GRM4: variants seen among roughly 807,000 people sequenced by gnomAD.
GRM4 encodes glutamate metabotropic receptor 4.
Under a neutral mutation model 81.7 loss-of-function variants are expected in GRM4, and 28 were observed. The observed-to-expected ratio is 0.34, with a 90% CI of 0.25 to 0.47. The LOEUF is 0.47. Ranked by LOEUF, GRM4 falls within the 20% of genes least tolerant of loss-of-function variation. GRM4 has a pLI of 1.00. For missense variants in GRM4, 948 were observed against 1,290.0 expected (o/e 0.73, Z 4.06); for synonymous variants, 488 against 528.8 (o/e 0.92, Z 1.06).
intron 3 of GRM4, among the ~76,000 whole-genome samples, chr6:34,072,674 A>ACACACATCACCATACAGATACACAC: frequency 4.0e-3 from 5 of 1,242 alleles, no homozygotes; most frequent in South Asian, 0.026. Flanking sequence ...TACACACCAC[A>ACACACATCACCATACAGATACACAC]CACACACACA....
At chr6:34,087,834 A>ACACACACACACACACACACACACACACC in intron 3 of GRM4, among the ~76,000 whole-genome samples, 1 of 150,986 alleles carries the variant, frequency 6.6e-6, no homozygotes. Context: ...ACACACACAC[A>ACACACACACACACACACACACACACACC]CACACACGTC....
At chr6:34,134,753 C>T (rs933991769) in intron 1 of GRM4, among the ~76,000 whole-genome samples, 1 of 151,032 alleles carries the variant, frequency 6.6e-6, no homozygotes, top group African/African-American at 2.4e-5. Context: ...CCTCTGAGAG[C>T]GGGGCTCGGG....
chr6:34,080,855 C>T lies in GRM4; in HGVS notation c.736+11028G>A, dbSNP rs1467468169. 1.3e-4 allele frequency among the ~76,000 whole-genome samples: 15 copies of T among 116,494 alleles called. No individual in the cohort carries two copies. The highest frequency in any genetic ancestry group is 1.2e-3 in the Admixed American group (15 of 12,002). The allele number at this position is 116,494 out of a possible 152,430, so 76.4% of individuals were successfully genotyped here. On this transcript the variant is annotated intron_variant, in intron 3 of 10. Transcript: ENST00000538487. This position sits in a 1 kb window ranked among gnomAD's most constrained non-coding sequence, Gnocchi z 5.4. Reference sequence around the variant, plus strand: ...TCACACACACACACACATACACACACACATACACATACATATACACACACA... The same window carrying T: ...TCACACACACACACACATACACACATACATACACATACATATACACACACA...
intron 10 of GRM4, among the ~76,000 whole-genome samples, chr6:34,027,744 A>T (rs1764203682): frequency 6.6e-6 from 1 of 152,120 alleles, no homozygotes; most frequent in Non-Finnish European, 1.5e-5. Context: ...ACAGGCAGAG[A>T]CCCAGGCCCC....
At chr6:34,032,205 C>T (rs1376346487) in intron 9 of GRM4, among the ~76,000 whole-genome samples, 6 of 152,102 alleles carry the variant, frequency 3.9e-5, no homozygotes, top group African/African-American at 1.4e-4. Flanking sequence ...TCAACCCATC[C>T]CCGCTTAATC....
At chr6:34,025,319 C>G (rs922620797) in intron 10 of GRM4, among the ~76,000 whole-genome samples, 8 of 152,122 alleles carry the variant, frequency 5.3e-5, no homozygotes, top group African/African-American at 1.7e-4. Context: ...TCCGTCACCC[C>G]CTGGGGGAAC....
intron 2 of GRM4, among the ~76,000 whole-genome samples, chr6:34,101,852 T>C (rs1046564182): frequency 6.6e-6 from 1 of 152,246 alleles, no homozygotes; most frequent in African/African-American, 2.4e-5. Flanking sequence ...TCAAGCCTTT[T>C]GCATCTGAAC....
In GRM4 at chr6:34,092,769, CG is replaced by C. The variant is rs1210997415; in HGVS notation, c.520-671del. ...CAGCCTCTCCAAGGCAGAGCCGACC[CG>C]GGGCCCTGCCCCAGCCCCGGGGCTT... On this transcript the variant is annotated intron_variant, in intron 2 of 10. Transcript: ENST00000538487. The surrounding 1 kb of genome is among the most constrained non-coding windows in gnomAD (Gnocchi z 6.8). Among the ~76,000 whole-genome samples, 1 of 151,994 alleles carries C rather than the reference CG, an allele frequency of 6.6e-6. No individual in the cohort carries two copies. Among genetic ancestry groups the C allele is most frequent in the Non-Finnish European group, 1.5e-5 (1 of 67,954 alleles).
In GRM4 at chr6:34,040,223, G is replaced by A. The variant is rs760818778; in HGVS notation, c.1461C>T (p.Ala487=). The A allele has an allele frequency of 7.4e-6, 12 of 1,614,102 alleles. No homozygotes were observed. Among genetic ancestry groups the A allele is most frequent in the Non-Finnish European group, 9.3e-6 (11 of 1,179,922 alleles). ...TCCAGGAGCCAATGACCTTGTACTCGGCAGAATCGTTGCGCAGCTGGTATT... is the reference window on the plus strand; with the variant it reads ...TCCAGGAGCCAATGACCTTGTACTCAGCAGAATCGTTGCGCAGCTGGTATT... ...IYQYQLRNDS[A]EYKVIGSWTD... The change falls in exon 8 of 11, where the codon GCC becomes GCT. Residue 487 remains alanine (A), a synonymous_variant. Transcript: ENST00000538487.
rs1770187507 is a variant in GRM4 at position 34,130,350 on chromosome 6, T to TC, written c.519+2627dup. The stretch of plus-strand genomic sequence containing the variant: ...CTTCTCCACTCCCCAGGTCTCTACC[T>TC]CCCGGTCCTGCCTTGCTCTCTGTGC... On this transcript the variant is annotated intron_variant, in intron 2 of 10. Coordinates refer to ENST00000538487, the MANE Select transcript of GRM4 (RefSeq NM_000841.4). This position sits in a 1 kb window ranked among gnomAD's most constrained non-coding sequence, Gnocchi z 4.1. 6.6e-6 allele frequency among the ~76,000 whole-genome samples: 1 copy of TC among 152,030 alleles called. No homozygotes were observed. The highest frequency in any genetic ancestry group is 1.5e-5 in the Non-Finnish European group (1 of 67,978).
intron 3 of GRM4, among the ~76,000 whole-genome samples, chr6:34,073,284 C>CA: frequency 1.3e-4 from 2 of 14,904 alleles, no homozygotes; most frequent in Non-Finnish European, 3.4e-4. Flanking sequence ...CACACAGATA[C>CA]CACACACACA....
At chr6:34,106,948 A>G (rs573281877) in intron 2 of GRM4, among the ~76,000 whole-genome samples, 1 of 152,384 alleles carries the variant, frequency 6.6e-6, no homozygotes, top group South Asian at 2.1e-4. Context: ...GAGAATCTGG[A>G]AACTCCTGGC....
chr6:34,122,566 T>C (rs1769853170), intron 2 of GRM4, among the ~76,000 whole-genome samples: 2 of 140,928 alleles, frequency 1.4e-5, no homozygotes. Flanking sequence ...AATGCTAGTT[T>C]AGAAAGTCGG....
At chr6:34,033,479 C>T (rs1291553278) in intron 9 of GRM4, among the ~76,000 whole-genome samples, 1 of 152,132 alleles carries the variant, frequency 6.6e-6, no homozygotes, top group African/African-American at 2.4e-5. Context: ...GTCACTCCCC[C>T]TCTCTGTGCC....
intron 2 of GRM4, among the ~76,000 whole-genome samples, chr6:34,122,281 A>C (rs528121425): frequency 6.6e-6 from 1 of 152,078 alleles, no homozygotes; most frequent in Non-Finnish European, 1.5e-5. Flanking sequence ...GGTGGAGGAC[A>C]TGAGAGGGGA....
At chr6:34,122,514 G>A (rs1769851918) in intron 2 of GRM4, among the ~76,000 whole-genome samples, 1 of 151,722 alleles carries the variant, frequency 6.6e-6, no homozygotes, top group Admixed American at 6.6e-5. Flanking sequence ...ATATAAAGCA[G>A]AATTTGCTTT....
intron 2 of GRM4, among the ~76,000 whole-genome samples, chr6:34,131,115 G>A (rs537295304): frequency 6.6e-6 from 1 of 152,306 alleles, no homozygotes; most frequent in Non-Finnish European, 1.5e-5. Context: ...CTCTCCTTTT[G>A]TCTCCAGTCC....
At position 34,061,963 on chromosome 6, in the gene GRM4, T is replaced by C. The variant is rs569508691; in HGVS notation, c.802A>G (p.Ile268Val). Residue 268 changes from isoleucine (I) to valine (V), a missense_variant, in exon 4 of 11, where the codon ATC (isoleucine) becomes GTC (valine). Coordinates refer to ENST00000538487, the MANE Select transcript of GRM4 (RefSeq NM_000841.4). ...GAAGTCTCCAGGAGGCGGCGGATGA[T>C]CTTGTCGAACTCGCCTGCCTTGGGC... ...REPKAGEFDKIIRRLLETSNA... is the reference protein window; with the variant it reads ...REPKAGEFDKVIRRLLETSNA... 6.2e-7 allele frequency: 1 copy of C among 1,613,982 alleles called. No homozygotes were observed. The highest frequency in any genetic ancestry group is 2.2e-5 in the East Asian group (1 of 44,884).
rs373543483 is a variant in GRM4 at position 34,044,645 on chromosome 6, T to C, written c.1169-3897A>G. On this transcript the variant is annotated intron_variant, in intron 6 of 10. Coordinates refer to ENST00000538487, the MANE Select transcript of GRM4 (RefSeq NM_000841.4). ...ATATATACACGCAGACACACACACA[T>C]ATACATACATACACATATATACACA... Among the ~76,000 whole-genome samples the C allele has an allele frequency of 1.3e-4, 15 of 117,420 alleles. No homozygotes were observed. The South Asian group carries it at 2.5e-3, about 19-fold the overall frequency. 77.0% of individuals were successfully genotyped at this position (117,420 alleles called of 152,430 possible).
Sources: allele counts gnomAD v4.1 joint callset (sites outside exome capture counted in the v4.1 genomes callset), GRCh38; gene constraint gnomAD v4.1.1; non-coding constraint Gnocchi (gnomAD v3.1); transcripts MANE v1.5; gene names NCBI Gene and HGNC (gene_info 2026-07-23, HGNC 2026-07-21).